Variants in PARP1 observed in about 807,000 individuals in gnomAD.
PARP1 encodes poly(ADP-ribose) polymerase 1, also known as poly [ADP-ribose] polymerase 1.
PARP1 carries 44 observed loss-of-function variants against 118.7 expected under a neutral mutation model. The ratio of observed to expected loss-of-function variants is 0.37; its 90% CI spans 0.29 to 0.48. The LOEUF (loss-of-function observed/expected upper bound fraction) is 0.48, where lower values mean the gene tolerates loss of function less well. Ranked by LOEUF, PARP1 falls within the 20% of genes least tolerant of loss-of-function variation. The probability of loss-of-function intolerance (pLI) is 0.99; values close to 1 mark genes in which losing one functional copy is unlikely to be tolerated. For missense variants in PARP1, 1,100 were observed against 1,272.4 expected, an observed-to-expected ratio of 0.86 and a Z score of 2.06; for synonymous variants, 492 against 483.2, an observed-to-expected ratio of 1.02 and a Z score of -0.24.
At position 226,367,521 on chromosome 1, in the gene PARP1, G is replaced by C; in HGVS notation, c.2365C>G (p.Pro789Ala). Residue 789 changes from proline (P) to alanine (A), a missense_variant, in exon 17 of 23, where the codon CCC becomes GCC. Coordinates refer to ENST00000366794, the MANE Select transcript of PARP1 (RefSeq NM_001618.4). The stretch of plus-strand genomic sequence containing the variant: ...AGCTTCTCATAGTTGACATCGATGG[G>C]ATCCTTGCTGCTATCATCAGACCCT... The part of the protein sequence containing the change: ...RGGSDDSSKD[P>A]IDVNYEKLKT... The C allele has an allele frequency of 6.2e-7, 1 of 1,614,120 alleles. No individual in the cohort carries two copies. Among genetic ancestry groups the C allele is most frequent in the South Asian group, 1.1e-5 (1 of 91,080 alleles).
At position 226,403,931 on chromosome 1, in the gene PARP1, C is replaced by A. The variant is rs139211964; in HGVS notation, c.121-1552G>T. ...ACTCTGGAAAAGCAATGATAAGGTA[C>A]CCCACTATCTCTCTCCACTGTGAGT... On this transcript the variant is annotated intron_variant, in intron 1 of 22. Coordinates refer to ENST00000366794, the MANE Select transcript of PARP1 (RefSeq NM_001618.4). Among the ~76,000 whole-genome samples, 7 of 152,288 alleles carry A rather than the reference C, an allele frequency of 4.6e-5. No homozygotes were observed. In the East Asian group the frequency reaches 1.3e-3, roughly 29 times the overall value.
At chr1:226,404,752 G>GC (rs2102748532) in intron 1 of PARP1, among the ~76,000 whole-genome samples, 1 of 152,324 alleles carries the variant, frequency 6.6e-6, no homozygotes, top group African/African-American at 2.4e-5. Flanking sequence ...CACAGCTGAG[G>GC]CAAGGCACAG....
At position 226,361,464 on chromosome 1, in the gene PARP1, C is replaced by A; in HGVS notation, c.3041G>T (p.Trp1014Leu). Reference protein sequence around the residue: ...KLKFNFKTSLW With the variant: ...KLKFNFKTSLL The stretch of plus-strand genomic sequence containing the variant: ...TGACTCGGCTACCTCTCCCAATTAC[C>A]ACAGGGAGGTCTTAAAATTGAATTT... The change falls in exon 23 of 23, where the codon TGG becomes TTG. Residue 1014 changes from tryptophan to leucine, a missense_variant. Coordinates refer to ENST00000366794, the MANE Select transcript of PARP1 (RefSeq NM_001618.4). The A allele has an allele frequency of 1.2e-6, 2 of 1,604,904 alleles. No individual in the cohort carries two copies. The highest frequency in any genetic ancestry group is 1.7e-6 in the Non-Finnish European group (2 of 1,171,698).
chr1:226,402,353 T>C lies in PARP1; in HGVS notation c.147A>G (p.Pro49=), dbSNP rs368232511. 11 of 1,613,660 alleles carry C rather than the reference T, an allele frequency of 6.8e-6. No homozygotes were observed. Among genetic ancestry groups the C allele is most frequent in the African/African-American group, 5.3e-5 (4 of 74,940 alleles). The change falls in exon 2 of 23, where the codon CCA becomes CCG. Residue 49 remains proline, a synonymous_variant. Coordinates refer to ENST00000366794, the MANE Select transcript of PARP1 (RefSeq NM_001618.4). The part of the protein sequence containing the change: ...VQSPMFDGKV[P]HWYHFSCFWK... ...AGAAGCAGGAGAAGTGGTACCAGTGTGGGACTTTTCCATCAAACATGGGCG... is the reference window on the plus strand; with the variant it reads ...AGAAGCAGGAGAAGTGGTACCAGTGCGGGACTTTTCCATCAAACATGGGCG...
At position 226,360,790 on chromosome 1, in the gene PARP1, G is replaced by C. The variant is rs1454587519; in HGVS notation, c.*670C>G. On this transcript the variant is annotated 3_prime_UTR_variant, in exon 23 of 23. Coordinates refer to ENST00000366794, the MANE Select transcript of PARP1 (RefSeq NM_001618.4). ...ATTTGGAAGACAAAAGTGCCCATAA[G>C]AAAGTCAAGAATTTCAAATGCAACT... 1.3e-5 allele frequency: 3 copies of C among 228,436 alleles called. No individual in the cohort carries two copies. The highest frequency in any genetic ancestry group is 2.6e-5 in the Non-Finnish European group (3 of 115,100). The allele number at this position is 228,436 out of a possible 1,614,324, so 14.2% of individuals were successfully genotyped here. A position where few individuals can be genotyped will look rare whatever the true frequency, so the allele number is the denominator to read the frequency against.
intron 8 of PARP1, among the ~76,000 whole-genome samples, chr1:226,381,464 G>C (rs1198940438): frequency 6.6e-6 from 1 of 152,248 alleles, no homozygotes; most frequent in Non-Finnish European, 1.5e-5. Context: ...GCGTGAGCCA[G>C]GCAGCTGCGG....
intron 2 of PARP1, chr1:226,392,535 G>T: frequency 1.5e-5 from 9 of 582,196 alleles, no homozygotes; most frequent in South Asian, 1.4e-4. Context: ...TGAGCTCCTT[G>T]AAAGAGCAGC....
chr1:226,374,459 C>T, intron 13 of PARP1, 105 bp from the exon 14 acceptor site: 2 of 1,364,414 alleles, frequency 1.5e-6, no homozygotes. Context: ...GCTAGAGTGC[C>T]ACCAGCAAAA....
At chr1:226,367,229 C>T (rs533638154) in intron 17 of PARP1, 15 of 529,234 alleles carry the variant, frequency 2.8e-5, no homozygotes, top group African/African-American at 1.9e-4. Context: ...TAAATTTGTA[C>T]GCCAAGCTGA....
rs1370461881 is a variant in PARP1 at position 226,374,339 on chromosome 1, T to C, written c.1957A>G (p.Lys653Glu). ...GTGCCAGGATTTACTGTCAGCTTCT[T>C]CACTGCCTCTTCATCCTTCAGGAAA... ...IDYGQDEEAV[K>E]KLTVNPGTKS... The change falls in exon 14 of 23, where the codon AAG (lysine) becomes GAG (glutamate). Residue 653 changes from lysine to glutamate, a missense_variant. By Grantham distance (56) the Lys-to-Glu change is moderately conservative. Coordinates refer to ENST00000366794, the MANE Select transcript of PARP1 (RefSeq NM_001618.4). 2.5e-5 allele frequency: 41 copies of C among 1,614,222 alleles called. No individual in the cohort carries two copies. Among genetic ancestry groups the C allele is most frequent in the Non-Finnish European group, 3.5e-5 (41 of 1,180,038 alleles).
chr1:226,407,538 G>A (rs1487402794), intron 1 of PARP1, among the ~76,000 whole-genome samples: 1 of 152,098 alleles, frequency 6.6e-6, no homozygotes, highest in Non-Finnish European at 1.5e-5. Context: ...CCAGAAAGGA[G>A]AAGAGAAGAG....
At chr1:226,362,445 T>A (rs1380377330) in intron 21 of PARP1, among the ~76,000 whole-genome samples, 1 of 152,150 alleles carries the variant, frequency 6.6e-6, no homozygotes, top group African/African-American at 2.4e-5. Flanking sequence ...CCCAGCCTCA[T>A]GTGCTCATTT....
intron 2 of PARP1, among the ~76,000 whole-genome samples, chr1:226,401,067 C>T (rs963671148): frequency 1.3e-5 from 2 of 152,202 alleles, no homozygotes; most frequent in African/African-American, 4.8e-5. Flanking sequence ...TGCTATGTCA[C>T]CTGACGTGAC....
In PARP1 at chr1:226,367,472, C is replaced by T. The variant is rs1664293567; in HGVS notation, c.2406+8G>A. 9 of 1,613,558 alleles carry T rather than the reference C, an allele frequency of 5.6e-6. No homozygotes were observed. Among genetic ancestry groups the T allele is most frequent in the Non-Finnish European group, 7.6e-6 (9 of 1,179,982 alleles). The stretch of plus-strand genomic sequence containing the variant: ...TTAAGATGCTTGAGGAAGGCCTGAC[C>T]CTGTTACCTTAATGTCAGTTTTGAG... On this transcript the variant is annotated splice_region_variant and intron_variant, in intron 17 of 22. Transcript: ENST00000366794.
intron 2 of PARP1, among the ~76,000 whole-genome samples, chr1:226,398,397 G>C: frequency 6.6e-6 from 1 of 152,032 alleles, no homozygotes; most frequent in East Asian, 1.9e-4. Flanking sequence ...AAAAAAATTA[G>C]CCAGGCATGG....
At chr1:226,372,635 T>C (rs1405255008) in intron 14 of PARP1, among the ~76,000 whole-genome samples, 3 of 152,042 alleles carry the variant, frequency 2.0e-5, no homozygotes, top group South Asian at 2.1e-4. Flanking sequence ...AGATCGTGCA[T>C]TGCACTCCAG....
chr1:226,397,016 G>C (rs1450248122), intron 2 of PARP1, among the ~76,000 whole-genome samples: 2 of 152,060 alleles, frequency 1.3e-5, no homozygotes, highest in Non-Finnish European at 2.9e-5. Context: ...TGTCAGCCAG[G>C]TGTATTTGCT....
At chr1:226,372,735 G>A (rs967557514) in intron 14 of PARP1, among the ~76,000 whole-genome samples, 1 of 152,172 alleles carries the variant, frequency 6.6e-6, no homozygotes, top group African/African-American at 2.4e-5. Flanking sequence ...CACAGGAAAG[G>A]ACTTGGGTTT....
At chr1:226,395,380 G>A (rs1469182669) in intron 2 of PARP1, among the ~76,000 whole-genome samples, 1 of 152,056 alleles carries the variant, frequency 6.6e-6, no homozygotes, top group Non-Finnish European at 1.5e-5. Context: ...TGAATATTAT[G>A]AATACCATTC....
Sources: gnomAD v4.1 joint callset for allele counts (sites outside exome capture counted in the v4.1 genomes callset) on GRCh38, gnomAD v4.1.1 for gene constraint, MANE v1.5 for transcripts, NCBI Gene and HGNC (gene_info 2026-07-23, HGNC 2026-07-21) for gene names.